SUN1: variants seen among roughly 807,000 people sequenced by gnomAD.
The protein encoded by SUN1 is Sad1 and UNC84 domain containing 1.
Under a neutral mutation model 103.2 loss-of-function variants are expected in SUN1, and 61 were observed. The ratio of observed to expected loss-of-function variants is 0.59; its 90% CI spans 0.48 to 0.73. The LOEUF is 0.73. Among genes scored for constraint, SUN1 ranks in the 30% least tolerant of loss-of-function variants. SUN1 has a pLI of 0.00. For missense variants in SUN1, 1,052 were observed against 1,034.6 expected, an observed-to-expected ratio of 1.02 and a Z score of -0.23; for synonymous variants, 490 against 425.7, an observed-to-expected ratio of 1.15 and a Z score of -1.86.
At chr7:867,689 G>A (rs560263518) in intron 16 of SUN1, among the ~76,000 whole-genome samples, 13 of 152,314 alleles carry the variant, frequency 8.5e-5, no homozygotes, top group Non-Finnish European at 1.2e-4. Flanking sequence ...AGAAACTGTC[G>A]GCTCCTGGGA....
At position 869,430 on chromosome 7, in the gene SUN1, C is replaced by G. The variant is rs1032155985; in HGVS notation, c.2062C>G (p.Pro688Ala). ...LVVRLSMMIH[P>A]AAFTLEHIPK... is the part of the protein sequence containing the mutation. Reference sequence around the variant, plus strand: ...GGTGAGGCTCTCCATGATGATCCACCCAGCCGCCTTCACTCTGGAGCACAT... The same window carrying G: ...GGTGAGGCTCTCCATGATGATCCACGCAGCCGCCTTCACTCTGGAGCACAT... Residue 688 changes from proline (P) to alanine (A), a missense_variant, in exon 17 of 19, where the codon CCA (proline) becomes GCA (alanine). Pro to Ala is a conservative substitution (Grantham distance 27). Transcript: ENST00000401592. The G allele has an allele frequency of 6.2e-7, 1 of 1,613,850 alleles. No individual in the cohort carries two copies. The highest frequency in any genetic ancestry group is 2.2e-5 in the East Asian group (1 of 44,872).
intron 1 of SUN1, among the ~76,000 whole-genome samples, chr7:818,361 A>G (rs914415831): frequency 3.9e-5 from 6 of 152,214 alleles, no homozygotes. Flanking sequence ...TGTAGACTGT[A>G]TCAGTATTCC....
intron 1 of SUN1, among the ~76,000 whole-genome samples, chr7:825,305 G>A (rs866376502): frequency 2.5e-4 from 38 of 152,214 alleles, no homozygotes; most frequent in Middle Eastern, 3.4e-3. Flanking sequence ...CTTGTGATCC[G>A]CCCATCTCGG....
chr7:834,046 G>A (rs1179774707), intron 1 of SUN1, among the ~76,000 whole-genome samples: 1 of 152,144 alleles, frequency 6.6e-6, no homozygotes, highest in Admixed American at 6.5e-5. Flanking sequence ...CAGAGGGAAG[G>A]TGGGCAGGGG....
chr7:848,327 C>T (rs995764068), intron 5 of SUN1: 20 of 1,132,822 alleles, frequency 1.8e-5, no homozygotes, highest in Admixed American at 1.0e-4. Context: ...TCTAAAAGTG[C>T]CTGAAATGAA....
chr7:840,905 T>G (rs1562602695), intron 2 of SUN1, among the ~76,000 whole-genome samples: 1 of 152,124 alleles, frequency 6.6e-6, no homozygotes, highest in Non-Finnish European at 1.5e-5. Flanking sequence ...TCTCCCAAAG[T>G]GCTGGGATTA....
Position 851,498 on chromosome 7 carries a change from T to C in SUN1, c.757+16T>C, listed in dbSNP as rs956404708. 3.1e-6 allele frequency: 5 copies of C among 1,589,848 alleles called. No individual in the cohort carries two copies. Among genetic ancestry groups the C allele is most frequent in the Admixed American group, 1.8e-5 (1 of 56,260 alleles). ...GTTGCTCCAGGTGGCTATTTTGGGT[T>C]TCTGTGTTGCGTTCTCTCCAGAGCT... On this transcript the variant is annotated intron_variant, in intron 6 of 18. Transcript: ENST00000401592.
At chr7:825,110 G>A (rs903949713) in intron 1 of SUN1, among the ~76,000 whole-genome samples, 2 of 151,760 alleles carry the variant, frequency 1.3e-5, no homozygotes, top group African/African-American at 4.8e-5. Flanking sequence ...CCAGGCTGGA[G>A]TGCAGTGGCA....
intron 1 of SUN1, among the ~76,000 whole-genome samples, chr7:836,531 C>T (rs1803392778): frequency 6.6e-6 from 1 of 152,140 alleles, no homozygotes. Context: ...GTTTGAAGGT[C>T]AGCTGGCTCA....
intron 16 of SUN1, among the ~76,000 whole-genome samples, chr7:868,149 C>T (rs891585059): frequency 3.3e-5 from 5 of 152,222 alleles, no homozygotes; most frequent in Admixed American, 1.3e-4. Context: ...CTTCTAAACA[C>T]GAATGAAATG....
intron 10 of SUN1, 102 bp from the exon 11 acceptor site, chr7:854,818 C>A (rs944582541): frequency 6.5e-6 from 5 of 775,000 alleles, no homozygotes; most frequent in African/African-American, 1.8e-5. Context: ...ACCACAGATT[C>A]TCTGATTGTC....
chr7:868,257 T>C (rs1838687048), intron 16 of SUN1, among the ~76,000 whole-genome samples: 1 of 152,230 alleles, frequency 6.6e-6, no homozygotes, highest in Non-Finnish European at 1.5e-5. Context: ...GTCTGCAACT[T>C]GTCAGTCAGT....
At chr7:847,144 A>G (rs560395096) in intron 5 of SUN1, among the ~76,000 whole-genome samples, 3 of 152,350 alleles carry the variant, frequency 2.0e-5, no homozygotes, top group African/African-American at 7.2e-5. Context: ...GTATGTGTGA[A>G]CAGCATTGGA....
chr7:869,207 C>G, intron 16 of SUN1, 142 bp from the exon 17 acceptor site: 1 of 1,028,132 alleles, frequency 9.7e-7, no homozygotes. Context: ...CCTTTCCCAG[C>G]TTATCTTCGG....
chr7:853,271 G>A, intron 9 of SUN1, 138 bp from the exon 10 acceptor site: 2 of 988,324 alleles, frequency 2.0e-6, no homozygotes, highest in Non-Finnish European at 3.0e-6. Flanking sequence ...GATACTCCGG[G>A]TTTCTGTGGA....
At chr7:850,069 T>G in intron 5 of SUN1, 1 of 1,515,778 alleles carries the variant, frequency 6.6e-7, no homozygotes, top group South Asian at 1.2e-5. Context: ...CATCTCGCCC[T>G]GTCACCATGC....
At position 874,242 on chromosome 7, in the gene SUN1, G is replaced by T. The variant is rs1003911191; in HGVS notation, c.*911G>T. 5.9e-5 allele frequency: 9 copies of T among 152,570 alleles called. No individual in the cohort carries two copies. Among genetic ancestry groups the T allele is most frequent in the African/African-American group, 2.2e-4 (9 of 41,446 alleles). The allele number at this position is 152,570 out of a possible 1,614,324, so 9.5% of individuals were successfully genotyped here. On this transcript the variant is annotated 3_prime_UTR_variant, in exon 19 of 19. Transcript: ENST00000401592. ...TCACGAACCCGTTACATTTCAGGAC[G>T]ATCCTTTTTCCTTCAGCAGCATTTC...
At chr7:821,135 G>GCTAA (rs1176178725) in intron 1 of SUN1, among the ~76,000 whole-genome samples, 1 of 142,060 alleles carries the variant, frequency 7.0e-6, no homozygotes, top group African/African-American at 2.6e-5. Context: ...GAGAGTGGAT[G>GCTAA]CTAACATCTA....
At chr7:859,342 G>A (rs1015268404) in intron 13 of SUN1, among the ~76,000 whole-genome samples, 5 of 152,028 alleles carry the variant, frequency 3.3e-5, no homozygotes, top group African/African-American at 4.8e-5. Context: ...CATCAACTAC[G>A]GCCTCTGGGG....
Sources: gnomAD v4.1 joint callset for allele counts (sites outside exome capture counted in the v4.1 genomes callset) on GRCh38, gnomAD v4.1.1 for gene constraint, MANE v1.5 for transcripts, NCBI Gene and HGNC (gene_info 2026-07-23, HGNC 2026-07-21) for gene names.